Variants in PTPRN2 observed in about 807,000 individuals in gnomAD.
PTPRN2 encodes receptor-type tyrosine-protein phosphatase N2.
In PTPRN2, 74 loss-of-function variants were observed where a neutral mutation model predicts 118.8. The observed-to-expected ratio is 0.62, with a 90% CI of 0.52 to 0.76. PTPRN2 has a LOEUF of 0.76. Ranked by LOEUF, PTPRN2 falls within the 30% of genes least tolerant of loss-of-function variation. PTPRN2 has a pLI of 0.00. For missense variants in PTPRN2, 1,481 were observed against 1,394.4 expected (o/e 1.06, Z -0.99); for synonymous variants, 641 against 608.0 (o/e 1.05, Z -0.80).
In PTPRN2 at chr7:157,787,428, G is replaced by A. The variant is rs1804133634; in HGVS notation, c.1789-104491C>T. On this transcript the variant is annotated intron_variant, in intron 12 of 22. Transcript: ENST00000389418. This position sits in a 1 kb window ranked among gnomAD's most constrained non-coding sequence, Gnocchi z 5.3. ...GTCTGGCGCAGCAGCCGGTGGGCCT[G>A]GGGGGCGCGTGGACTCCCAGCTGTT... Among the ~76,000 whole-genome samples, 1 of 152,112 alleles carries A rather than the reference G, an allele frequency of 6.6e-6. No homozygotes were observed. Among genetic ancestry groups the A allele is most frequent in the South Asian group, 2.1e-4 (1 of 4,832 alleles).
At chr7:158,341,640 G>T (rs1355884786) in intron 2 of PTPRN2, among the ~76,000 whole-genome samples, 4 of 58,206 alleles carry the variant, frequency 6.9e-5, no homozygotes, top group Non-Finnish European at 1.0e-4. Context: ...GGTAACACAT[G>T]CAGACGTCAC....
At chr7:157,773,068 T>G (rs1184809777) in intron 12 of PTPRN2, among the ~76,000 whole-genome samples, 1 of 152,182 alleles carries the variant, frequency 6.6e-6, no homozygotes, top group African/African-American at 2.4e-5. Context: ...GAAGGTGCCT[T>G]GCACAGATGT....
intron 3 of PTPRN2, among the ~76,000 whole-genome samples, chr7:158,270,297 G>C (rs547163989): frequency 6.6e-6 from 1 of 152,284 alleles, no homozygotes; most frequent in East Asian, 1.9e-4. Flanking sequence ...AGAAGGGCCA[G>C]CACAAAGGCC....
At chr7:158,333,480 G>A (rs994040533) in intron 2 of PTPRN2, among the ~76,000 whole-genome samples, 1 of 139,556 alleles carries the variant, frequency 7.2e-6, no homozygotes. Flanking sequence ...TCCATAAGAG[G>A]TGACACCTGG....
chr7:158,367,419 T>A (rs1056138346), intron 2 of PTPRN2, among the ~76,000 whole-genome samples: 1 of 152,094 alleles, frequency 6.6e-6, no homozygotes, highest in Admixed American at 6.6e-5. Flanking sequence ...ATATCCTCAC[T>A]GGTGGGAAAG....
chr7:158,496,299 T>A, intron 1 of PTPRN2, among the ~76,000 whole-genome samples: 1 of 89,476 alleles, frequency 1.1e-5, no homozygotes. Context: ...CCCCTCTCCC[T>A]TCCCTGCAGC....
intron 12 of PTPRN2, among the ~76,000 whole-genome samples, chr7:157,846,823 C>G (rs1325720891): frequency 6.6e-6 from 1 of 151,462 alleles, no homozygotes; most frequent in African/African-American, 2.4e-5. Flanking sequence ...CTCTCTCACT[C>G]CATCATGCGT....
chr7:157,878,567 A>C (rs560360008), intron 12 of PTPRN2, among the ~76,000 whole-genome samples: 1 of 142,458 alleles, frequency 7.0e-6, no homozygotes, highest in East Asian at 2.1e-4. Context: ...GTGCACCCAC[A>C]CTTACTCACT....
At chr7:158,501,751 G>A (rs1052759059) in intron 1 of PTPRN2, among the ~76,000 whole-genome samples, 4 of 152,150 alleles carry the variant, frequency 2.6e-5, no homozygotes, top group Admixed American at 1.3e-4. Flanking sequence ...CGCGTGTTTC[G>A]GCAGCCCTGG....
intron 2 of PTPRN2, among the ~76,000 whole-genome samples, chr7:158,373,079 T>C (rs1255087174): frequency 6.6e-6 from 1 of 152,134 alleles, no homozygotes; most frequent in Admixed American, 6.5e-5. Context: ...GCCTCTTAAA[T>C]CAAGGACTTC....
intron 11 of PTPRN2, among the ~76,000 whole-genome samples, chr7:158,073,576 G>A (rs897265418): frequency 4.6e-5 from 7 of 152,078 alleles, no homozygotes; most frequent in Non-Finnish European, 7.3e-5. Context: ...CTTTCTATGC[G>A]GAGATGAAGC....
rs376562888 is a variant in PTPRN2, at chr7:158,125,287, C to T, written c.1556+8390G>A. On this transcript the variant is annotated intron_variant, in intron 9 of 22. Transcript: ENST00000389418. ...CCCTGCCTCAAGTCCCTCCCACGGC[C>T]GACCCCCTGCCTCAAGTCCCTCCCA... Among the ~76,000 whole-genome samples, 116 of 149,516 alleles carry T rather than the reference C, an allele frequency of 7.8e-4. 3 individuals carry two copies. In the South Asian group the frequency reaches 0.021, roughly 27 times the overall value.
rs3752366 is a variant in PTPRN2 at position 158,138,282 on chromosome 7, C to T, written c.1132+12G>A. 0.31 allele frequency: 501,538 copies of T among 1,608,362 alleles called. 80,690 individuals carry two copies. Among genetic ancestry groups the T allele is most frequent in the East Asian group, 0.51 (22,854 of 44,706 alleles). ...CACCCCTGGGTGTGGGCACCCATGG[C>T]GCTGCAGTCACCTGGAAAGCTGTCT... On this transcript the variant is annotated intron_variant, in intron 7 of 22. Transcript: ENST00000389418.
chr7:157,561,873 G>A (rs1799209111), intron 21 of PTPRN2, among the ~76,000 whole-genome samples: 1 of 152,246 alleles, frequency 6.6e-6, no homozygotes, highest in Admixed American at 6.5e-5. Flanking sequence ...ACCCACGCCT[G>A]GCAGGCAGCA....
chr7:157,947,106 C>A (rs960932775), intron 11 of PTPRN2, among the ~76,000 whole-genome samples: 2 of 152,148 alleles, frequency 1.3e-5, no homozygotes, highest in African/African-American at 4.8e-5. Context: ...CCCTGCAGAG[C>A]TGAAGGGAGG....
chr7:158,130,452 C>A (rs1164419583), intron 9 of PTPRN2, among the ~76,000 whole-genome samples: 1 of 42,314 alleles, frequency 2.4e-5, no homozygotes, highest in Non-Finnish European at 4.6e-5. Context: ...AGATACACAT[C>A]TACCCAACAC....
chr7:158,354,237 C>A (rs1808217108), intron 2 of PTPRN2, among the ~76,000 whole-genome samples: 1 of 152,126 alleles, frequency 6.6e-6, no homozygotes, highest in Non-Finnish European at 1.5e-5. Flanking sequence ...CAAACATACC[C>A]CAGAAAAACC....
At chr7:157,565,468 C>T (rs925294271) in intron 21 of PTPRN2, among the ~76,000 whole-genome samples, 5 of 152,226 alleles carry the variant, frequency 3.3e-5, no homozygotes, top group Non-Finnish European at 5.9e-5. Flanking sequence ...CTTGGCATGG[C>T]CTCCATGGTA....
chr7:158,520,794 C>G (rs1464331483), intron 1 of PTPRN2, among the ~76,000 whole-genome samples: 1 of 152,162 alleles, frequency 6.6e-6, no homozygotes, highest in Non-Finnish European at 1.5e-5. Flanking sequence ...TCAGCCATGC[C>G]CAGCCAGGTC....
Sources: allele counts gnomAD v4.1 joint callset (sites outside exome capture counted in the v4.1 genomes callset), GRCh38; gene constraint gnomAD v4.1.1; non-coding constraint Gnocchi (gnomAD v3.1); transcripts MANE v1.5; gene names NCBI Gene and HGNC (gene_info 2026-07-23, HGNC 2026-07-21).